Variants in DYRK4 observed in about 807,000 individuals in gnomAD.
DYRK4 encodes the protein dual specificity tyrosine-phosphorylation-regulated kinase 4.
A neutral mutation model predicts 68.3 loss-of-function variants in DYRK4; 64 were observed. The ratio of observed to expected loss-of-function variants is 0.94; its 90% confidence interval spans 0.77 to 1.15. The LOEUF is 1.15. Ranked by LOEUF, DYRK4 falls within the 50% of genes most tolerant of loss-of-function variation. The pLI, the probability that DYRK4 is intolerant of heterozygous loss-of-function variation, is 0.00. For missense variants in DYRK4, 740 were observed against 764.7 expected (o/e 0.97, Z 0.38); for synonymous variants, 274 against 289.9 (o/e 0.95, Z 0.56).
intron 10 of DYRK4, among the ~76,000 whole-genome samples, chr12:4,600,648 G>T (rs1032226933): frequency 6.6e-6 from 1 of 150,730 alleles, no homozygotes; most frequent in Non-Finnish European, 1.5e-5. Context: ...TATTAATAAA[G>T]AATATAATAA....
chr12:4,595,981 C>T (rs1231034223), intron 6 of DYRK4, among the ~76,000 whole-genome samples, 168 bp from the exon 7 acceptor site: 3 of 152,174 alleles, frequency 2.0e-5, no homozygotes, highest in Admixed American at 2.0e-4. Flanking sequence ...ACAAGCTCCT[C>T]ATCATAGTCG....
Position 4,586,215 on chromosome 12 carries a change from G to A in DYRK4, c.133-2722G>A, listed in dbSNP as rs538445242. 1.7e-4 allele frequency among the ~76,000 whole-genome samples: 26 copies of A among 152,224 alleles called. No homozygotes were observed. In the South Asian group the frequency reaches 5.0e-3, roughly 29 times the overall value. ...TCTCTAGAAACAAGAAAAGAGCCTC[G>A]TTGGCTTTCACTGATGCCCTTTCTT... On this transcript the variant is annotated intron_variant, in intron 2 of 14. Coordinates refer to ENST00000543431, the MANE Select transcript of DYRK4 (RefSeq NM_001394779.1).
intron 2 of DYRK4, among the ~76,000 whole-genome samples, chr12:4,587,368 A>C (rs970560126): frequency 6.6e-6 from 1 of 152,092 alleles, no homozygotes; most frequent in Non-Finnish European, 1.5e-5. Flanking sequence ...TCCTGGGCCG[A>C]TTGCATTCAC....
At position 4,603,112 on chromosome 12, in the gene DYRK4, A is replaced by G. The variant is rs181908481; in HGVS notation, c.1127-1802A>G. On this transcript the variant is annotated intron_variant, in intron 10 of 14. Transcript: ENST00000543431. Reference sequence around the variant, plus strand: ...GGCTTTCTAGTTTGGACTCCTGGAAAGAGTTTTCACTATCTGAATCTGATA... The same window carrying G: ...GGCTTTCTAGTTTGGACTCCTGGAAGGAGTTTTCACTATCTGAATCTGATA... The G allele has an allele frequency of 3.6e-6, 5 of 1,397,124 alleles. No homozygotes were observed. In the East Asian group the frequency reaches 9.2e-5, roughly 26 times the overall value. The allele number at this position is 1,397,124 out of a possible 1,614,324, so 86.5% of individuals were successfully genotyped here. A position where few individuals can be genotyped will look rare whatever the true frequency, so the allele number is the denominator to read the frequency against.
chr12:4,563,683 C>T (rs1944650761), intron 1 of DYRK4, among the ~76,000 whole-genome samples: 2 of 152,304 alleles, frequency 1.3e-5, no homozygotes, highest in South Asian at 4.1e-4. Context: ...TGTGCCATCA[C>T]ATGAAGAGAG....
At chr12:4,579,589 T>A (rs1426847868) in intron 2 of DYRK4, among the ~76,000 whole-genome samples, 1 of 152,204 alleles carries the variant, frequency 6.6e-6, no homozygotes, top group Non-Finnish European at 1.5e-5. Context: ...AGGGAGGGCA[T>A]TTCAGGCAGA....
At chr12:4,580,719 G>A in intron 2 of DYRK4, 1 of 422,188 alleles carries the variant, frequency 2.4e-6, no homozygotes, top group South Asian at 1.7e-5. Context: ...GGATGACAGA[G>A]CCTGTAAGGA....
chr12:4,599,270 C>CAT, intron 9 of DYRK4, 104 bp downstream of exon 9: 3 of 459,414 alleles, frequency 6.5e-6, no homozygotes, highest in Non-Finnish European at 1.0e-5. Context: ...TTGCCTTTGA[C>CAT]TTTTTTTTTT....
At chr12:4,609,541 C>T (rs1281219910) in intron 12 of DYRK4, among the ~76,000 whole-genome samples, 1 of 152,146 alleles carries the variant, frequency 6.6e-6, no homozygotes, top group Non-Finnish European at 1.5e-5. Context: ...GGTGTTGTCT[C>T]AAGGCTGGTA....
chr12:4,563,460 G>A (rs1236394779), intron 1 of DYRK4, among the ~76,000 whole-genome samples: 2 of 152,226 alleles, frequency 1.3e-5, no homozygotes, highest in African/African-American at 2.4e-5. Context: ...TAAGCCCATC[G>A]TGAGTGTGTT....
rs765844679 is a variant in DYRK4, at chr12:4,613,650, A to G, written c.1802A>G (p.Lys601Arg). 3.1e-6 allele frequency: 5 copies of G among 1,613,836 alleles called. No homozygotes were observed. The highest frequency in any genetic ancestry group is 2.2e-5 in the East Asian group (1 of 44,866). ...CTGCCTCAACTGGTAGACGCTCCCA[A>G]GAAGTCAGAGGCAGCTGTCGGGGCG... ...VQLPQLVDAP[K>R]KSEAAVGAEV... is the part of the protein sequence containing the mutation. The change falls in exon 15 of 15, where the codon AAG becomes AGG. Residue 601 changes from lysine (K) to arginine (R), a missense_variant. By Grantham distance (26) the Lys-to-Arg change is conservative (BLOSUM62 2). Coordinates refer to ENST00000543431, the MANE Select transcript of DYRK4 (RefSeq NM_001394779.1). This position sits in a 1 kb window ranked among gnomAD's most constrained non-coding sequence, Gnocchi z 4.0.
Position 4,562,214 on chromosome 12 carries a change from T to TCC in DYRK4, c.-30_-29dup, listed in dbSNP as rs1043784129. 3.1e-5 allele frequency: 47 copies of TCC among 1,524,186 alleles called. No homozygotes were observed. The African/African-American group carries it at 3.7e-4, about 12-fold the overall frequency. The allele number at this position is 1,524,186 out of a possible 1,614,324, so 94.4% of individuals were successfully genotyped here. A position where few individuals can be genotyped will look rare whatever the true frequency, so the allele number is the denominator to read the frequency against. On this transcript the variant is annotated 5_prime_UTR_variant, in exon 1 of 15. Coordinates refer to ENST00000543431, the MANE Select transcript of DYRK4 (RefSeq NM_001394779.1). ...TGCCCTCTGCCGGGCTCTCACAGCC[T>TCC]CCCGCAGCGGCGGGCGGTCAGCGCC...
rs959405051 is a variant in DYRK4, at chr12:4,579,897, G to A, written c.133-9040G>A. Among the ~76,000 whole-genome samples, 5 of 152,168 alleles carry A rather than the reference G, an allele frequency of 3.3e-5. No homozygotes were observed. The East Asian group carries it at 9.6e-4, about 29-fold the overall frequency. Reference sequence around the variant, plus strand: ...CCTGGCAGAACACAAAGAGGTCAGAGGAGATCACTGGGTGGCAGCATGAGA... The same window carrying A: ...CCTGGCAGAACACAAAGAGGTCAGAAGAGATCACTGGGTGGCAGCATGAGA... On this transcript the variant is annotated intron_variant, in intron 2 of 14. Transcript: ENST00000543431.
intron 10 of DYRK4, among the ~76,000 whole-genome samples, chr12:4,603,675 C>A (rs1410378791): frequency 6.6e-6 from 1 of 152,186 alleles, no homozygotes; most frequent in Admixed American, 6.5e-5. Context: ...TCTGGCAGAT[C>A]AATTTTTGAG....
At chr12:4,585,107 G>A (rs1194632774) in intron 2 of DYRK4, among the ~76,000 whole-genome samples, 1 of 152,152 alleles carries the variant, frequency 6.6e-6, no homozygotes. Flanking sequence ...AGATCCTATG[G>A]GTTTATCTCT....
chr12:4,581,757 C>A (rs757869068), intron 2 of DYRK4, among the ~76,000 whole-genome samples: 4 of 152,182 alleles, frequency 2.6e-5, no homozygotes, highest in Non-Finnish European at 5.9e-5. Flanking sequence ...TGCCTCTCTC[C>A]TGTCCTTCCC....
intron 10 of DYRK4, chr12:4,603,227 A>C: frequency 9.6e-7 from 1 of 1,037,238 alleles, no homozygotes. Flanking sequence ...AGGATCAGAA[A>C]GCTGTTTGCT....
chr12:4,604,726 C>T (rs1374917296), intron 10 of DYRK4, 188 bp from the exon 11 acceptor site: 1 of 269,252 alleles, frequency 3.7e-6, no homozygotes, highest in Non-Finnish European at 5.7e-6. Context: ...AGTCACACCT[C>T]CTTTATAATC....
At chr12:4,603,402 T>C (rs751299094) in intron 10 of DYRK4, 2 of 439,762 alleles carry the variant, frequency 4.5e-6, no homozygotes, top group Non-Finnish European at 8.5e-6. Context: ...TTTGAATCAG[T>C]CTCTTTATTT....
Sources: allele counts gnomAD v4.1 joint callset (sites outside exome capture counted in the v4.1 genomes callset), GRCh38; gene constraint gnomAD v4.1.1; non-coding constraint Gnocchi (gnomAD v3.1); transcripts MANE v1.5; gene names NCBI Gene and HGNC (gene_info 2026-07-23, HGNC 2026-07-21).